Variants in TECPR2 observed in about 807,000 individuals in gnomAD.
TECPR2 encodes the protein tectonin beta-propeller repeat-containing protein 2.
TECPR2 carries 65 observed loss-of-function variants against 138.1 expected under a neutral mutation model. That is an observed-to-expected ratio of 0.47 (90% CI 0.39 to 0.58). The LOEUF (loss-of-function observed/expected upper bound fraction) is 0.58. Among genes scored for constraint, TECPR2 ranks in the 20% least tolerant of loss-of-function variants. The pLI is 0.00. For missense variants in TECPR2, 1,553 were observed against 1,824.5 expected (o/e 0.85, Z 2.71); for synonymous variants, 746 against 749.8 (o/e 0.99, Z 0.08).
chr14:102,466,697 A>G (rs1890556248), intron 17 of TECPR2, among the ~76,000 whole-genome samples: 1 of 152,134 alleles, frequency 6.6e-6, no homozygotes, highest in Admixed American at 6.6e-5. Flanking sequence ...TCAGCCTTCT[A>G]CAGTGTGCAG....
At chr14:102,425,856 G>C (rs1217140920) in intron 6 of TECPR2, among the ~76,000 whole-genome samples, 1 of 147,494 alleles carries the variant, frequency 6.8e-6, no homozygotes, top group African/African-American at 2.5e-5. Context: ...TTACAGGCGT[G>C]AGCCACCATG....
At chr14:102,390,631 G>A (rs1888143721) in intron 2 of TECPR2, among the ~76,000 whole-genome samples, 1 of 152,082 alleles carries the variant, frequency 6.6e-6, no homozygotes, top group African/African-American at 2.4e-5. Flanking sequence ...GCTTTTGAGA[G>A]CTGTGATCCC....
At chr14:102,487,545 C>CT (rs1192081812) in intron 17 of TECPR2, among the ~76,000 whole-genome samples, 1 of 152,100 alleles carries the variant, frequency 6.6e-6, no homozygotes, top group Non-Finnish European at 1.5e-5. Context: ...TTTTTCTTTT[C>CT]TTTTCTTTTT....
intron 10 of TECPR2, among the ~76,000 whole-genome samples, chr14:102,438,692 G>A (rs1889746982): frequency 6.6e-6 from 1 of 152,030 alleles, no homozygotes; most frequent in South Asian, 2.1e-4. Flanking sequence ...CTCTGCTGTG[G>A]GTGAACAGTC....
Position 102,443,718 on chromosome 14 carries a change from G to A in TECPR2, c.2824G>A (p.Ala942Thr), listed in dbSNP as rs1889895358. 1 of 1,613,048 alleles carries A rather than the reference G, an allele frequency of 6.2e-7. No homozygotes were observed. Among genetic ancestry groups the A allele is most frequent in the African/African-American group, 1.3e-5 (1 of 74,894 alleles). Reference protein sequence around the residue: ...DCPYPLSQITARNNVVWALTE... With the variant: ...DCPYPLSQITTRNNVVWALTE... ...TCCCTACCCGCTGTCCCAGATCACA[G>A]CCCGGAACAATGTGGTGTGGGCGCT... The change falls in exon 12 of 20, where the codon GCC becomes ACC. Residue 942 changes from alanine (A) to threonine (T), a missense_variant. By Grantham distance (58) the Ala-to-Thr change is moderately conservative (BLOSUM62 0). Coordinates refer to ENST00000359520, the MANE Select transcript of TECPR2 (RefSeq NM_014844.5). This position sits in a 1 kb window ranked among gnomAD's most constrained non-coding sequence, Gnocchi z 4.9.
chr14:102,389,766 T>C (rs1888114552), intron 2 of TECPR2, among the ~76,000 whole-genome samples: 1 of 152,226 alleles, frequency 6.6e-6, no homozygotes, highest in Admixed American at 6.5e-5. Context: ...ATTTGCCTTG[T>C]CTGTTTCTGC....
intron 13 of TECPR2, among the ~76,000 whole-genome samples, chr14:102,446,839 A>T (rs971822387): frequency 4.6e-5 from 7 of 152,156 alleles, no homozygotes; most frequent in Non-Finnish European, 1.0e-4. Context: ...TTGTTTATAT[A>T]TTTATTATTA....
At chr14:102,431,627 T>G (rs151034203) in intron 7 of TECPR2, among the ~76,000 whole-genome samples, 169 bp from the exon 8 acceptor site, 1 of 152,188 alleles carries the variant, frequency 6.6e-6, no homozygotes, top group Admixed American at 6.6e-5. Flanking sequence ...CAGGCGTGAG[T>G]CACCGTGCCC....
At chr14:102,400,222 T>G (rs980381084) in intron 2 of TECPR2, among the ~76,000 whole-genome samples, 2 of 152,064 alleles carry the variant, frequency 1.3e-5, no homozygotes, top group African/African-American at 4.8e-5. Flanking sequence ...ATTTTTGTAT[T>G]TTTAGTAGAG....
intron 2 of TECPR2, among the ~76,000 whole-genome samples, chr14:102,391,634 G>C (rs1292083475): frequency 6.6e-6 from 1 of 152,136 alleles, no homozygotes; most frequent in Non-Finnish European, 1.5e-5. Context: ...TGAAGGCAAG[G>C]AGGATACCAT....
chr14:102,485,802 C>T (rs1024954738), intron 17 of TECPR2, among the ~76,000 whole-genome samples: 7 of 152,180 alleles, frequency 4.6e-5, no homozygotes, highest in African/African-American at 1.7e-4. Context: ...CTTCCCCGAG[C>T]CTGTCTGTAG....
At chr14:102,483,405 G>T (rs1269029503) in intron 17 of TECPR2, among the ~76,000 whole-genome samples, 3 of 89,712 alleles carry the variant, frequency 3.3e-5, no homozygotes, top group Non-Finnish European at 6.4e-5. Flanking sequence ...TGTTGTTGTT[G>T]TTGTTGTAGG....
rs748025176 is a variant in TECPR2, at chr14:102,438,107, A to G, written c.2480A>G (p.Asp827Gly). 3 of 1,613,792 alleles carry G rather than the reference A, an allele frequency of 1.9e-6. No individual in the cohort carries two copies. Among genetic ancestry groups the G allele is most frequent in the African/African-American group, 1.3e-5 (1 of 74,846 alleles). ...TCCGAGAAGTATATCTGGTGCCTGG[A>G]CTACAAAGGCGGCCTGTTCTGCAGC... ...VVSEKYIWCL[D>G]YKGGLFCSAL... The change falls in exon 10 of 20, where the codon GAC becomes GGC. Residue 827 changes from aspartate (D) to glycine (G), a missense_variant. Coordinates refer to ENST00000359520, the MANE Select transcript of TECPR2 (RefSeq NM_014844.5).
intron 16 of TECPR2, among the ~76,000 whole-genome samples, chr14:102,456,056 G>A (rs992237192): frequency 4.0e-4 from 61 of 152,234 alleles, no homozygotes; most frequent in African/African-American, 1.4e-3. Context: ...GCCCGGCCTT[G>A]GTTTCCTCTC....
intron 16 of TECPR2, 140 bp from the exon 17 acceptor site, chr14:102,465,001 G>T: frequency 1.0e-6 from 1 of 994,210 alleles, no homozygotes; most frequent in Non-Finnish European, 1.5e-6. Context: ...GGACAGATCC[G>T]ATGACTTAGT....
chr14:102,429,311 C>T (rs1889406853), intron 7 of TECPR2, among the ~76,000 whole-genome samples: 2 of 152,180 alleles, frequency 1.3e-5, no homozygotes, highest in South Asian at 4.1e-4. Context: ...CTTTACTGAT[C>T]CCTGCTCTCC....
chr14:102,401,676 G>A (rs1324808837), intron 2 of TECPR2, among the ~76,000 whole-genome samples: 2 of 149,010 alleles, frequency 1.3e-5, no homozygotes, highest in African/African-American at 2.5e-5. Flanking sequence ...TTGGTGGTGG[G>A]TGCCTGTAGT....
chr14:102,394,864 C>G (rs76994589), intron 2 of TECPR2, among the ~76,000 whole-genome samples: 2,103 of 152,272 alleles, frequency 0.014, 56 homozygotes, highest in African/African-American at 0.048. Flanking sequence ...GTTCTGTTTA[C>G]CCCTTTTCTA....
intron 7 of TECPR2, 26 bp downstream of exon 7, chr14:102,428,408 A>G (rs1003777531): frequency 5.0e-6 from 8 of 1,606,272 alleles, no homozygotes; most frequent in Admixed American, 3.5e-5. Context: ...AAAATGTACC[A>G]TGTATATGAT....
Sources: allele counts gnomAD v4.1 joint callset (sites outside exome capture counted in the v4.1 genomes callset), GRCh38; gene constraint gnomAD v4.1.1; non-coding constraint Gnocchi (gnomAD v3.1); transcripts MANE v1.5; gene names NCBI Gene and HGNC (gene_info 2026-07-23, HGNC 2026-07-21).